Variants in ZNF225 observed in about 807,000 individuals in gnomAD.
ZNF225 encodes zinc finger protein 225.
A neutral mutation model predicts 12.0 loss-of-function variants in ZNF225; 6 were observed. The observed-to-expected ratio is 0.50, with a 90% CI of 0.27 to 0.98. The LOEUF is 0.98. ZNF225 is among the 50% of genes least tolerant of loss of function. ZNF225 has a pLI of 0.11. For missense variants in ZNF225, 763 were observed against 848.2 expected (o/e 0.90, Z 1.25); for synonymous variants, 271 against 283.2 (o/e 0.96, Z 0.43).
intron 4 of ZNF225, among the ~76,000 whole-genome samples, chr19:44,123,915 A>G (rs1443460839): frequency 1.3e-5 from 2 of 151,962 alleles, no homozygotes; most frequent in African/African-American, 4.8e-5. Context: ...ATGGCCTATC[A>G]ATTTTATTTA....
At position 44,114,956 on chromosome 19, in the gene ZNF225, C is replaced by G. The variant is rs10410332; in HGVS notation, c.-68-804C>G. 5.0e-3 allele frequency among the ~76,000 whole-genome samples: 765 copies of G among 152,104 alleles called. 9 individuals carry two copies. The highest frequency in any genetic ancestry group is 0.017 in the African/African-American group (720 of 41,498). ...ATTATTTTGAATTTTTTTTTTTACCCCAGGAACACAGATTCAAGTTGCTCT... is the reference window on the plus strand; with the variant it reads ...ATTATTTTGAATTTTTTTTTTTACCGCAGGAACACAGATTCAAGTTGCTCT... On this transcript the variant is annotated intron_variant, in intron 1 of 4. Coordinates refer to ENST00000262894, the MANE Select transcript of ZNF225 (RefSeq NM_013362.4).
rs1799942505 is a variant in ZNF225, at chr19:44,131,715, A to C, written c.1101A>C (p.Thr367=). ...TTTATAAGCATCAGATAGACCACAC[A>C]GGGGAGAAGCCATATAATTGTAAAG... is the stretch of plus-strand genomic sequence containing the variant. ...QDLYKHQIDH[T]GEKPYNCKEC... The change falls in exon 5 of 5, where the codon ACA becomes ACC. Residue 367 remains threonine, a synonymous_variant. Coordinates refer to ENST00000262894, the MANE Select transcript of ZNF225 (RefSeq NM_013362.4). 1 of 1,614,146 alleles carries C rather than the reference A, an allele frequency of 6.2e-7. No individual in the cohort carries two copies. The highest frequency in any genetic ancestry group is 1.7e-5 in the Admixed American group (1 of 60,030).
At chr19:44,130,822 C>T (rs539641506) in intron 4 of ZNF225, 28 bp from the exon 5 acceptor site, 13 of 1,568,472 alleles carry the variant, frequency 8.3e-6, no homozygotes, top group Admixed American at 5.7e-5. Context: ...TTTACTTGCC[C>T]ACATCTCTTA....
Position 44,133,469 on chromosome 19 carries a change from G to T in ZNF225, c.*734G>T, listed in dbSNP as rs1201471099. The T allele has an allele frequency of 6.6e-6, 1 of 152,122 alleles. No individual in the cohort carries two copies. Among genetic ancestry groups the T allele is most frequent in the African/African-American group, 2.4e-5 (1 of 41,434 alleles). The allele number at this position is 152,122 out of a possible 1,614,324, so 9.4% of individuals were successfully genotyped here. A position where few individuals can be genotyped will look rare whatever the true frequency, so the allele number is the denominator to read the frequency against. Reference sequence around the variant, plus strand: ...CTAGTTTGAATATAGAGAAAAATTGGTGAGTGTCTTCAGCTGTCCTCATAC... The same window carrying T: ...CTAGTTTGAATATAGAGAAAAATTGTTGAGTGTCTTCAGCTGTCCTCATAC... On this transcript the variant is annotated 3_prime_UTR_variant, in exon 5 of 5. Coordinates refer to ENST00000262894, the MANE Select transcript of ZNF225 (RefSeq NM_013362.4).
chr19:44,122,733 C>T (rs967441068), intron 4 of ZNF225, among the ~76,000 whole-genome samples: 3 of 151,888 alleles, frequency 2.0e-5, no homozygotes, highest in Admixed American at 2.0e-4. Context: ...AGGTGTATTC[C>T]TGAGTATTTG....
rs1361225525 is a variant in ZNF225, at chr19:44,132,083, G to A, written c.1469G>A (p.Gly490Glu). Reference protein sequence around the residue: ...GEKPFKCEECGKRFTQNSQLY... With the variant: ...GEKPFKCEECEKRFTQNSQLY... Reference sequence around the variant, plus strand: ...AAACCATTTAAATGTGAAGAATGTGGGAAAAGATTTACTCAGAATTCACAA... The same window carrying A: ...AAACCATTTAAATGTGAAGAATGTGAGAAAAGATTTACTCAGAATTCACAA... Residue 490 changes from glycine to glutamate, a missense_variant, in exon 5 of 5, where the codon GGG (glycine) becomes GAG (glutamate). By Grantham distance (98) the Gly-to-Glu change is moderately conservative. Coordinates refer to ENST00000262894, the MANE Select transcript of ZNF225 (RefSeq NM_013362.4). 1 of 1,613,974 alleles carries A rather than the reference G, an allele frequency of 6.2e-7. No individual in the cohort carries two copies. The highest frequency in any genetic ancestry group is 1.1e-5 in the South Asian group (1 of 91,078).
At chr19:44,123,025 C>T (rs189019198) in intron 4 of ZNF225, among the ~76,000 whole-genome samples, 111 of 152,204 alleles carry the variant, frequency 7.3e-4, no homozygotes, top group African/African-American at 2.4e-3. Flanking sequence ...CTAGGACTTC[C>T]AGTACTATGT....
intron 4 of ZNF225, among the ~76,000 whole-genome samples, chr19:44,127,819 T>G (rs79358064): frequency 1.8e-4 from 28 of 152,122 alleles, no homozygotes; most frequent in Non-Finnish European, 8.8e-5. Flanking sequence ...TTTTGTATTT[T>G]TTAGTAGAGA....
At chr19:44,127,795 T>C (rs1375262453) in intron 4 of ZNF225, among the ~76,000 whole-genome samples, 1 of 152,000 alleles carries the variant, frequency 6.6e-6, no homozygotes, top group African/African-American at 2.4e-5. Context: ...TATGCCACCA[T>C]GCCCAGCTAA....
chr19:44,127,493 AT>A (rs1968171944), intron 4 of ZNF225, among the ~76,000 whole-genome samples: 1 of 152,252 alleles, frequency 6.6e-6, no homozygotes, highest in South Asian at 2.1e-4. Context: ...AAAATTCGCA[AT>A]GGGAGACTCT....
At chr19:44,123,605 G>A (rs758668881) in intron 4 of ZNF225, among the ~76,000 whole-genome samples, 7 of 152,082 alleles carry the variant, frequency 4.6e-5, no homozygotes, top group Non-Finnish European at 8.8e-5. Context: ...GAATTCTGCT[G>A]GGAATCCATC....
At chr19:44,122,405 T>C (rs967326350) in intron 4 of ZNF225, among the ~76,000 whole-genome samples, 1 of 152,248 alleles carries the variant, frequency 6.6e-6, no homozygotes. Flanking sequence ...TATGGTCTTA[T>C]AGTATAGTTT....
At chr19:44,130,817 T>G (rs1008236468) in intron 4 of ZNF225, 33 bp from the exon 5 acceptor site, 1 of 1,561,328 alleles carries the variant, frequency 6.4e-7, no homozygotes, top group African/African-American at 1.4e-5. Context: ...AAAGCTTTAC[T>G]TGCCCACATC....
chr19:44,131,176 A>G lies in ZNF225; in HGVS notation c.562A>G (p.Ser188Gly), dbSNP rs1041105965. The G allele has an allele frequency of 2.5e-6, 4 of 1,614,212 alleles. No individual in the cohort carries two copies. The African/African-American group carries it at 4.0e-5, about 16-fold the overall frequency. The change falls in exon 5 of 5, where the codon AGC becomes GGC. Residue 188 changes from serine (S) to glycine (G), a missense_variant. Physicochemically the swap from Ser to Gly is moderately conservative, Grantham distance 56. Coordinates refer to ENST00000262894, the MANE Select transcript of ZNF225 (RefSeq NM_013362.4). ...CDECGKSFCY[S>G]SALRIHQRVH... ...TGAATGTGGAAAGAGTTTCTGTTAT[A>G]GCTCAGCTCTTCGTATTCATCAGAG... is the stretch of plus-strand genomic sequence containing the variant.
intron 4 of ZNF225, 34 bp downstream of exon 4, chr19:44,118,608 G>C (rs1217220982): frequency 6.3e-7 from 1 of 1,591,772 alleles, no homozygotes; most frequent in Admixed American, 1.7e-5. Flanking sequence ...CCTTGTGCGT[G>C]ACTCTCCCAT....
At position 44,131,778 on chromosome 19, in the gene ZNF225, A is replaced by G. The variant is rs1199551107; in HGVS notation, c.1164A>G (p.Ser388=). ...GKSFRWASGL[S]RHVRVHSGET... is the part of the protein sequence containing the mutation. ...GCTTCAGATGGGCCTCAGGTCTTTC[A>G]AGACATGTGCGAGTCCACAGTGGAG... Residue 388 remains serine (S), a synonymous_variant, in exon 5 of 5, where the codon TCA becomes TCG. Coordinates refer to ENST00000262894, the MANE Select transcript of ZNF225 (RefSeq NM_013362.4). 6.2e-7 allele frequency: 1 copy of G among 1,614,102 alleles called. No individual in the cohort carries two copies. The highest frequency in any genetic ancestry group is 1.3e-5 in the African/African-American group (1 of 74,946).
chr19:44,124,005 A>G (rs568210824), intron 4 of ZNF225, among the ~76,000 whole-genome samples: 2 of 150,942 alleles, frequency 1.3e-5, no homozygotes, highest in South Asian at 4.2e-4. Flanking sequence ...TTTTGTTTCA[A>G]TTTCATTTAT....
intron 2 of ZNF225, 69 bp downstream of exon 2, chr19:44,115,911 G>T: frequency 6.5e-7 from 1 of 1,540,424 alleles, no homozygotes; most frequent in South Asian, 1.2e-5. Context: ...GCCAAGGCTG[G>T]AGTGCAGTGG....
intron 4 of ZNF225, among the ~76,000 whole-genome samples, chr19:44,120,876 C>T (rs1014277180): frequency 3.2e-4 from 47 of 146,666 alleles, no homozygotes; most frequent in Admixed American, 2.6e-3. Context: ...CCACTCTTTC[C>T]CGCAAGTCCC....
Sources: gnomAD v4.1 joint callset for allele counts (sites outside exome capture counted in the v4.1 genomes callset) on GRCh38, gnomAD v4.1.1 for gene constraint, MANE v1.5 for transcripts, NCBI Gene and HGNC (gene_info 2026-07-23, HGNC 2026-07-21) for gene names.